DCDC1: variants seen among roughly 807,000 people sequenced by gnomAD.
The protein encoded by DCDC1 is doublecortin domain-containing protein 1.
Under a neutral mutation model 178.3 loss-of-function variants are expected in DCDC1, and 200 were observed. The observed-to-expected ratio is 1.12, with a 90% CI of 1.00 to 1.26. The LOEUF (loss-of-function observed/expected upper bound fraction) is 1.26. DCDC1 is among the 50% of genes most tolerant of loss of function. The pLI is 0.00. For synonymous variants in DCDC1, 690 were observed against 604.8 expected, an observed-to-expected ratio of 1.14 and a Z score of -2.07; for missense variants, 1,983 against 1,749.2, an observed-to-expected ratio of 1.13 and a Z score of -2.38.
intron 20 of DCDC1, among the ~76,000 whole-genome samples, chr11:30,958,518 G>T (rs1257859376): frequency 1.3e-5 from 2 of 152,134 alleles, no homozygotes; most frequent in Non-Finnish European, 2.9e-5. Flanking sequence ...ATCAGAGAAT[G>T]AAAGAATGGC....
chr11:30,883,793 T>C (rs1053476650), intron 36 of DCDC1, among the ~76,000 whole-genome samples: 4 of 152,030 alleles, frequency 2.6e-5, no homozygotes, highest in Non-Finnish European at 5.9e-5. Flanking sequence ...AGAAGACATA[T>C]CACACACAAA....
At chr11:31,141,221 T>A (rs1963787226) in intron 9 of DCDC1, among the ~76,000 whole-genome samples, 1 of 152,192 alleles carries the variant, frequency 6.6e-6, no homozygotes, top group Non-Finnish European at 1.5e-5. Flanking sequence ...TCTTTAAAAA[T>A]CTCTTTTATA....
chr11:31,182,463 A>T (rs915782162), intron 9 of DCDC1, among the ~76,000 whole-genome samples: 5 of 152,238 alleles, frequency 3.3e-5, no homozygotes, highest in Non-Finnish European at 5.9e-5. Flanking sequence ...CCAGAATTTC[A>T]TATCTGGCCA....
At chr11:31,020,980 CA>C (rs1952837772) in intron 20 of DCDC1, among the ~76,000 whole-genome samples, 1 of 151,974 alleles carries the variant, frequency 6.6e-6, no homozygotes, top group Non-Finnish European at 1.5e-5. Flanking sequence ...AAAAGGGAAA[CA>C]AAATTTAAAT....
chr11:30,951,665 T>C (rs1948432508), intron 21 of DCDC1, among the ~76,000 whole-genome samples: 2 of 152,014 alleles, frequency 1.3e-5, no homozygotes, highest in African/African-American at 4.8e-5. Flanking sequence ...AGTAACAAAT[T>C]AATATACTTG....
chr11:30,876,545 A>T (rs1216947269), intron 38 of DCDC1, among the ~76,000 whole-genome samples: 1 of 152,156 alleles, frequency 6.6e-6, no homozygotes, highest in Non-Finnish European at 1.5e-5. Flanking sequence ...TACATCTAAA[A>T]TCCCATTTAC....
chr11:30,977,249 A>T (rs1361837711), intron 20 of DCDC1, among the ~76,000 whole-genome samples: 1 of 151,918 alleles, frequency 6.6e-6, no homozygotes, highest in African/African-American at 2.4e-5. Context: ...AGAAGGAATA[A>T]GTTCTAATGT....
intron 7 of DCDC1, among the ~76,000 whole-genome samples, chr11:31,285,113 ATAAT>A (rs1946723321): frequency 6.6e-6 from 1 of 151,960 alleles, no homozygotes. Context: ...CTGACTATAA[ATAAT>A]TACTTATAAT....
Position 31,110,133 on chromosome 11 carries a change from A to T in DCDC1, c.1587+127T>A, listed in dbSNP as rs1330434634. 3 of 571,364 alleles carry T rather than the reference A, an allele frequency of 5.3e-6. No homozygotes were observed. In the East Asian group the frequency reaches 8.3e-5, roughly 16 times the overall value. 35.4% of individuals were successfully genotyped at this position (571,364 alleles called of 1,614,324 possible). ...AGAAATTCAGAAGTAAATCTTTGTG[A>T]TATCAGTCTTTACAGATCAACAAAC... On this transcript the variant is annotated intron_variant, in intron 12 of 38. Coordinates refer to ENST00000684477, the MANE Select transcript of DCDC1 (RefSeq NM_001387274.1).
At position 30,952,529 on chromosome 11, in the gene DCDC1, C is replaced by G. The variant is rs781564926; in HGVS notation, c.2631G>C (p.Gln877His). Residue 877 changes from glutamine (Q) to histidine (H), a missense_variant, in exon 21 of 39, where the codon CAG (glutamine) becomes CAC (histidine). By Grantham distance (24) the Gln-to-His change is conservative. Transcript: ENST00000684477. ...GATTTTCAACTCTAGAATGTTTCCA[C>G]TGGCCTGGCTTACTGGTTCCTTCAT... ...IKHEGTSKPG[Q>H]WKHSRVENPL... 2.2e-5 allele frequency: 35 copies of G among 1,574,708 alleles called. No individual in the cohort carries two copies. In the Admixed American group the frequency reaches 4.7e-4, roughly 21 times the overall value.
intron 10 of DCDC1, among the ~76,000 whole-genome samples, chr11:31,132,015 T>G (rs978923157): frequency 1.3e-5 from 2 of 152,190 alleles, no homozygotes; most frequent in Admixed American, 6.5e-5. Context: ...TTGGCTAAAG[T>G]CTTAAAAGTT....
chr11:31,041,923 A>G (rs963008710), intron 20 of DCDC1, among the ~76,000 whole-genome samples: 1 of 152,208 alleles, frequency 6.6e-6, no homozygotes, highest in East Asian at 1.9e-4. Flanking sequence ...TAGAACAAAG[A>G]ACTAAGTCTT....
At chr11:31,364,382 GA>G (rs1408299809) in intron 1 of DCDC1, among the ~76,000 whole-genome samples, 5 of 152,150 alleles carry the variant, frequency 3.3e-5, no homozygotes, top group Admixed American at 1.3e-4. Context: ...GTGAATGGGG[GA>G]AAAAACAAGT....
chr11:31,285,162 C>T (rs1055456448), intron 7 of DCDC1, among the ~76,000 whole-genome samples: 2 of 151,780 alleles, frequency 1.3e-5, no homozygotes, highest in Admixed American at 1.3e-4. Flanking sequence ...TAGAAATTCA[C>T]ATTAAATAAT....
chr11:31,060,529 T>C (rs550097253), intron 20 of DCDC1, among the ~76,000 whole-genome samples: 1 of 152,278 alleles, frequency 6.6e-6, no homozygotes, highest in Admixed American at 6.5e-5. Context: ...CTGAAGTTTA[T>C]ATTTTTAGAT....
chr11:30,906,596 T>G lies in DCDC1; in HGVS notation c.4048A>C (p.Thr1350Pro), dbSNP rs770232410. The G allele has an allele frequency of 1.9e-6, 3 of 1,613,362 alleles. No homozygotes were observed. The highest frequency in any genetic ancestry group is 1.1e-5 in the South Asian group (1 of 90,944). ...PGVPFLCISGTKTQKPFLQGP... is the reference protein window; with the variant it reads ...PGVPFLCISGPKTQKPFLQGP... The stretch of plus-strand genomic sequence containing the variant: ...TGTAAGAAGGGCTTCTGAGTCTTGG[T>G]GCCTGAAATACAGAGGAATGGAACC... The change falls in exon 30 of 39, where the codon ACC becomes CCC. Residue 1350 changes from threonine (T) to proline (P), a missense_variant. Transcript: ENST00000684477.
At position 31,306,241 on chromosome 11, in the gene DCDC1, G is replaced by T; in HGVS notation, c.582C>A (p.Thr194=). 1 of 1,568,892 alleles carries T rather than the reference G, an allele frequency of 6.4e-7. No individual in the cohort carries two copies. Among genetic ancestry groups the T allele is most frequent in the Non-Finnish European group, 8.6e-7 (1 of 1,158,130 alleles). ...RTVFARVTVP[T]ITLLLEECTE... ...TTGGAACACTAGTTACCAAGGTGATGGTTGGTACAGTAACTCTGGCAAAGA... is the reference window on the plus strand; with the variant it reads ...TTGGAACACTAGTTACCAAGGTGATTGTTGGTACAGTAACTCTGGCAAAGA... The change falls in exon 5 of 39, where the codon ACC becomes ACA. Residue 194 remains threonine, a synonymous_variant. Transcript: ENST00000684477.
chr11:31,327,579 C>T (rs1949714947), intron 3 of DCDC1, among the ~76,000 whole-genome samples: 1 of 152,158 alleles, frequency 6.6e-6, no homozygotes, highest in African/African-American at 2.4e-5. Flanking sequence ...CATTATGATA[C>T]CTGTTCAAGT....
intron 7 of DCDC1, among the ~76,000 whole-genome samples, chr11:31,273,651 TCTAA>T (rs1945751024): frequency 6.6e-6 from 1 of 152,188 alleles, no homozygotes; most frequent in Admixed American, 6.5e-5. Flanking sequence ...TGTTCCAACC[TCTAA>T]CTGTTACTCA....
Sources: allele counts gnomAD v4.1 joint callset (sites outside exome capture counted in the v4.1 genomes callset), GRCh38; gene constraint gnomAD v4.1.1; transcripts MANE v1.5; gene names NCBI Gene and HGNC (gene_info 2026-07-23, HGNC 2026-07-21).